The following NCEH1 variants were observed in gnomAD, a reference collection of about 807,000 sequenced individuals.
The protein encoded by NCEH1 is 2-acetyl MAGE hydrolase.
In NCEH1, 9 loss-of-function variants were observed where a neutral mutation model predicts 25.4. That is an observed-to-expected ratio of 0.35 (90% CI 0.21 to 0.62). The LOEUF is 0.62. Ranked by LOEUF, NCEH1 falls within the 20% of genes least tolerant of loss-of-function variation. NCEH1 has a pLI of 0.72. For synonymous variants in NCEH1, 200 were observed against 199.8 expected (o/e 1.00, Z -0.01); for missense variants, 412 against 501.1 (o/e 0.82, Z 1.70).
At chr3:172,667,010 C>T (rs1577070435) in intron 1 of NCEH1, among the ~76,000 whole-genome samples, 1 of 152,154 alleles carries the variant, frequency 6.6e-6, no homozygotes, top group Non-Finnish European at 1.5e-5. Flanking sequence ...CCAACAGCGC[C>T]GCCTAGTGGA....
intron 1 of NCEH1, among the ~76,000 whole-genome samples, chr3:172,650,575 G>T (rs1717348385): frequency 6.6e-6 from 1 of 151,690 alleles, no homozygotes; most frequent in Admixed American, 6.6e-5. Context: ...CATGAACCCT[G>T]GAGGCAGAGC....
intron 1 of NCEH1, among the ~76,000 whole-genome samples, chr3:172,681,736 C>CAAAAA (rs768887847): frequency 9.6e-6 from 1 of 103,900 alleles, no homozygotes; most frequent in African/African-American, 3.4e-5. Flanking sequence ...GTAAAAATAC[C>CAAAAA]AAAAAAAAAA....
intron 2 of NCEH1, among the ~76,000 whole-genome samples, chr3:172,646,723 T>A (rs992190094): frequency 6.6e-6 from 1 of 152,178 alleles, no homozygotes; most frequent in Non-Finnish European, 1.5e-5. Context: ...TCAGTCAAAA[T>A]TATGCAGAAA....
intron 1 of NCEH1, among the ~76,000 whole-genome samples, chr3:172,650,637 A>C (rs1717351351): frequency 7.1e-6 from 1 of 140,958 alleles, no homozygotes; most frequent in Non-Finnish European, 1.5e-5. Context: ...CGACAGAGTG[A>C]GACTCCGTCT....
intron 1 of NCEH1, among the ~76,000 whole-genome samples, chr3:172,685,587 C>T (rs1320603203): frequency 6.6e-6 from 1 of 152,228 alleles, no homozygotes; most frequent in Non-Finnish European, 1.5e-5. Context: ...GTTTCTACTT[C>T]AAGATTCTTT....
At chr3:172,694,742 G>A (rs990568414) in intron 1 of NCEH1, among the ~76,000 whole-genome samples, 3 of 152,162 alleles carry the variant, frequency 2.0e-5, no homozygotes, top group Non-Finnish European at 2.9e-5. Context: ...GCAGTACTCC[G>A]TCTGGGCTTC....
intron 1 of NCEH1, among the ~76,000 whole-genome samples, chr3:172,664,033 G>A (rs1227772457): frequency 6.6e-6 from 1 of 152,190 alleles, no homozygotes; most frequent in Non-Finnish European, 1.5e-5. Flanking sequence ...CTCGTTAGTT[G>A]ATGCAGTTTC....
intron 1 of NCEH1, among the ~76,000 whole-genome samples, chr3:172,675,252 G>A (rs1711901508): frequency 6.6e-6 from 1 of 151,834 alleles, no homozygotes; most frequent in Admixed American, 6.6e-5. Flanking sequence ...GCAGTGAACT[G>A]AGATCACACC....
At chr3:172,648,199 A>ATTCC (rs1217975053) in intron 1 of NCEH1, 85 bp from the exon 2 acceptor site, 1 of 1,500,726 alleles carries the variant, frequency 6.7e-7, no homozygotes, top group Non-Finnish European at 9.2e-7. Flanking sequence ...GAGTGTCTGA[A>ATTCC]TTCCTACAAG....
rs1481244041 is a variant in NCEH1 at position 172,632,559 on chromosome 3, T to C, written c.*916A>G. 1.3e-5 allele frequency: 2 copies of C among 152,518 alleles called. No individual in the cohort carries two copies. The highest frequency in any genetic ancestry group is 4.8e-5 in the African/African-American group (2 of 41,450). 9.4% of individuals were successfully genotyped at this position (152,518 alleles called of 1,614,324 possible). A position where few individuals can be genotyped will look rare whatever the true frequency, so the allele number is the denominator to read the frequency against. ...TATTTTTAACAATTTTGAACTAATA[T>C]TAAATGTATTTTCTTTTTTGACTAT... is the stretch of plus-strand genomic sequence containing the variant. On this transcript the variant is annotated 3_prime_UTR_variant, in exon 5 of 5. Coordinates refer to ENST00000475381, the MANE Select transcript of NCEH1 (RefSeq NM_020792.6).
At chr3:172,672,262 C>G (rs575537974) in intron 1 of NCEH1, among the ~76,000 whole-genome samples, 2 of 152,294 alleles carry the variant, frequency 1.3e-5, no homozygotes, top group South Asian at 4.1e-4. Context: ...AGTACCGTTT[C>G]ACCAAGTTGG....
chr3:172,706,861 G>A (rs1057452689), intron 1 of NCEH1, among the ~76,000 whole-genome samples: 1 of 152,048 alleles, frequency 6.6e-6, no homozygotes, highest in Non-Finnish European at 1.5e-5. Flanking sequence ...TTTACTTCAC[G>A]TTTATTATAA....
chr3:172,653,752 G>GTTTTTTTTTTTTTTTTTT (rs375874414), intron 1 of NCEH1, among the ~76,000 whole-genome samples: 1 of 83,840 alleles, frequency 1.2e-5, no homozygotes, highest in African/African-American at 4.2e-5. Flanking sequence ...TTGTTTTTTT[G>GTTTTTTTTTTTTTTTTTT]TTTTTTTGTT....
chr3:172,653,765 T>TTTTTTTTGTTTGTTTTTTG (rs1717556113), intron 1 of NCEH1, among the ~76,000 whole-genome samples: 1 of 134,382 alleles, frequency 7.4e-6, no homozygotes, highest in Non-Finnish European at 1.5e-5. Flanking sequence ...TTTTTGTTTT[T>TTTTTTTTGTTTGTTTTTTG]TTTTTTTTTT....
In NCEH1 at chr3:172,683,311, G is replaced by A. The variant is rs1262507692; in HGVS notation, c.138+27536C>T. On this transcript the variant is annotated intron_variant, in intron 1 of 4. Coordinates refer to ENST00000475381, the MANE Select transcript of NCEH1 (RefSeq NM_020792.6). ...CCAGCTACTTGGGAGGCTGAGGCAG[G>A]AGAATGGCGTGAACCCGGGAGGCGG... 7.1e-5 allele frequency among the ~76,000 whole-genome samples: 8 copies of A among 112,898 alleles called. 1 individual carries two copies. The South Asian group carries it at 2.7e-3, about 38-fold the overall frequency. 74.1% of individuals were successfully genotyped at this position (112,898 alleles called of 152,430 possible).
chr3:172,673,866 G>A lies in NCEH1; in HGVS notation c.139-25752C>T, dbSNP rs73880227. ...CATACTTTTCAGCCCTCAGGACGGC[G>A]ACAGTCAGGATGGCAAACTCTATTT... On this transcript the variant is annotated intron_variant, in intron 1 of 4. Coordinates refer to ENST00000475381, the MANE Select transcript of NCEH1 (RefSeq NM_020792.6). Among the ~76,000 whole-genome samples, 1,399 of 152,252 alleles carry A rather than the reference G, an allele frequency of 9.2e-3. 23 individuals are homozygous for A. Among genetic ancestry groups the A allele is most frequent in the African/African-American group, 0.032 (1,321 of 41,540 alleles).
At chr3:172,645,018 C>T (rs1415628540) in intron 3 of NCEH1, among the ~76,000 whole-genome samples, 5 of 152,164 alleles carry the variant, frequency 3.3e-5, no homozygotes, top group Admixed American at 2.0e-4. Flanking sequence ...CAAAAGCATT[C>T]GCACAATGCC....
At chr3:172,651,595 G>A (rs1410434357) in intron 1 of NCEH1, among the ~76,000 whole-genome samples, 1 of 150,446 alleles carries the variant, frequency 6.6e-6, no homozygotes, top group Non-Finnish European at 1.5e-5. Context: ...GTCTCGCTCT[G>A]TTACCCAGGC....
At chr3:172,656,665 C>A (rs1717710710) in intron 1 of NCEH1, among the ~76,000 whole-genome samples, 1 of 152,108 alleles carries the variant, frequency 6.6e-6, no homozygotes, top group Non-Finnish European at 1.5e-5. Flanking sequence ...ACTCGGGAGG[C>A]TGACGCAGGA....
Sources: gnomAD v4.1 joint callset for allele counts (sites outside exome capture counted in the v4.1 genomes callset) on GRCh38, gnomAD v4.1.1 for gene constraint, MANE v1.5 for transcripts, NCBI Gene and HGNC (gene_info 2026-07-23, HGNC 2026-07-21) for gene names.